Variants in KCNMA1 observed in about 807,000 individuals in gnomAD.
The protein encoded by KCNMA1 is Calcium-activated potassium channel subunit alpha-1.
KCNMA1 carries 29 observed loss-of-function variants against 140.0 expected under a neutral mutation model. The ratio of observed to expected loss-of-function variants is 0.21; its 90% CI spans 0.15 to 0.28. The LOEUF is 0.28. KCNMA1 is among the 10% of genes least tolerant of loss of function. KCNMA1 has a pLI of 1.00. For missense variants in KCNMA1, 880 were observed against 1,602.2 expected, an observed-to-expected ratio of 0.55 and a Z score of 7.70; for synonymous variants, 612 against 611.9, an observed-to-expected ratio of 1.00 and a Z score of 0.00.
At chr10:77,574,703 T>C (rs34270751) in intron 1 of KCNMA1, among the ~76,000 whole-genome samples, 24,219 of 152,250 alleles carry the variant, frequency 0.16, 2,246 homozygotes, top group Middle Eastern at 0.25. Context: ...GAAGAGCAAC[T>C]GCTCACATAA....
chr10:76,891,808 G>A, intron 25 of KCNMA1, 89 bp from the exon 26 acceptor site: 4 of 1,069,472 alleles, frequency 3.7e-6, no homozygotes, highest in South Asian at 1.3e-5. Flanking sequence ...ACTTTTCTTG[G>A]TATCTCCTGT....
At chr10:77,426,961 C>G (rs905719013) in intron 1 of KCNMA1, among the ~76,000 whole-genome samples, 4 of 152,240 alleles carry the variant, frequency 2.6e-5, no homozygotes, top group Admixed American at 2.6e-4. Context: ...TGAAACAATA[C>G]CTACACTATT....
chr10:77,105,847 G>A (rs1412729999), intron 9 of KCNMA1, among the ~76,000 whole-genome samples: 4 of 152,160 alleles, frequency 2.6e-5, no homozygotes, highest in Non-Finnish European at 5.9e-5. Flanking sequence ...CTCAACTAAA[G>A]ACCTTATATT....
intron 1 of KCNMA1, among the ~76,000 whole-genome samples, chr10:77,536,144 A>C (rs951864620): frequency 6.6e-6 from 1 of 152,258 alleles, no homozygotes; most frequent in African/African-American, 2.4e-5. Context: ...AAACTATCAC[A>C]GGGGCCTCAT....
intron 1 of KCNMA1, among the ~76,000 whole-genome samples, chr10:77,426,879 C>G (rs2097012953): frequency 6.6e-6 from 1 of 152,188 alleles, no homozygotes; most frequent in African/African-American, 2.4e-5. Context: ...GACCTGGACC[C>G]AAAGTAAGAA....
At chr10:77,064,526 G>A (rs927734929) in intron 14 of KCNMA1, among the ~76,000 whole-genome samples, 2 of 152,180 alleles carry the variant, frequency 1.3e-5, no homozygotes, top group African/African-American at 2.4e-5. Context: ...GTCTGAGAAC[G>A]CTTTAATTCA....
chr10:76,896,562 T>C (rs2152020539), intron 25 of KCNMA1, among the ~76,000 whole-genome samples: 1 of 152,316 alleles, frequency 6.6e-6, no homozygotes, highest in East Asian at 1.9e-4. Context: ...GAGTACTGAT[T>C]GGGGAAGTGA....
At chr10:77,256,818 T>C (rs1352947845) in intron 2 of KCNMA1, among the ~76,000 whole-genome samples, 1 of 152,104 alleles carries the variant, frequency 6.6e-6, no homozygotes, top group African/African-American at 2.4e-5. Flanking sequence ...TTGAAGTATA[T>C]AATTTACATA....
chr10:77,432,781 C>T (rs1311479654), intron 1 of KCNMA1, among the ~76,000 whole-genome samples: 1 of 152,204 alleles, frequency 6.6e-6, no homozygotes, highest in African/African-American at 2.4e-5. Flanking sequence ...AAACTTTCAA[C>T]TTTTAAAAAA....
intron 5 of KCNMA1, among the ~76,000 whole-genome samples, chr10:77,181,401 C>G (rs2098801351): frequency 1.3e-5 from 2 of 152,142 alleles, no homozygotes; most frequent in African/African-American, 4.8e-5. Flanking sequence ...AACAACTCAT[C>G]CATAATTTTG....
chr10:77,389,966 C>T (rs1566508339), intron 2 of KCNMA1, among the ~76,000 whole-genome samples: 1 of 152,182 alleles, frequency 6.6e-6, no homozygotes, highest in Admixed American at 6.5e-5. Flanking sequence ...CTGCTTCACG[C>T]CAATCACTCT....
At chr10:77,590,520 C>A (rs1014993894) in intron 1 of KCNMA1, among the ~76,000 whole-genome samples, 1 of 152,246 alleles carries the variant, frequency 6.6e-6, no homozygotes, top group Non-Finnish European at 1.5e-5. Flanking sequence ...CCGGAACTCG[C>A]GCTGGCCCGC....
At chr10:76,972,232 T>A (rs752903619) in intron 19 of KCNMA1, among the ~76,000 whole-genome samples, 2 of 152,186 alleles carry the variant, frequency 1.3e-5, no homozygotes, top group Non-Finnish European at 2.9e-5. Context: ...ATCTTAAGGT[T>A]ATAATTCAGT....
chr10:76,996,093 A>G (rs1039305726), intron 19 of KCNMA1, among the ~76,000 whole-genome samples: 2 of 152,320 alleles, frequency 1.3e-5, no homozygotes, highest in South Asian at 4.1e-4. Context: ...AAGGTCCCCA[A>G]ATACAAGCCA....
intron 3 of KCNMA1, among the ~76,000 whole-genome samples, chr10:77,199,395 G>C (rs963065716): frequency 6.6e-6 from 1 of 152,158 alleles, no homozygotes; most frequent in Non-Finnish European, 1.5e-5. Context: ...ATATGCAAGA[G>C]CAGCTTGTTT....
intron 9 of KCNMA1, among the ~76,000 whole-genome samples, chr10:77,099,933 T>C (rs1288463983): frequency 1.3e-5 from 2 of 152,158 alleles, no homozygotes; most frequent in Admixed American, 6.5e-5. Flanking sequence ...TCTCCACTGT[T>C]CAATGGGTAT....
At chr10:77,355,955 C>T (rs1040633122) in intron 2 of KCNMA1, among the ~76,000 whole-genome samples, 37 of 152,146 alleles carry the variant, frequency 2.4e-4, no homozygotes, top group African/African-American at 8.9e-4. Flanking sequence ...ACACAATATC[C>T]ACGTGGGAAA....
intron 2 of KCNMA1, among the ~76,000 whole-genome samples, chr10:77,362,113 C>T (rs761416178): frequency 1.8e-4 from 28 of 152,252 alleles, no homozygotes; most frequent in Non-Finnish European, 3.5e-4. Context: ...GCTTCCAGAT[C>T]GGTTGTCTCA....
chr10:77,486,297 G>C (rs113106025), intron 1 of KCNMA1, among the ~76,000 whole-genome samples: 178 of 152,244 alleles, frequency 1.2e-3, no homozygotes, highest in African/African-American at 3.7e-3. Flanking sequence ...CAGGACCGCA[G>C]AGAATGAACT....
Sources: allele counts gnomAD v4.1 joint callset (sites outside exome capture counted in the v4.1 genomes callset), GRCh38; gene constraint gnomAD v4.1.1; transcripts MANE v1.5; gene names NCBI Gene and HGNC (gene_info 2026-07-23, HGNC 2026-07-21).